Variants in GPM6A observed in about 807,000 individuals in gnomAD.
The protein encoded by GPM6A is glycoprotein M6A.
Under a neutral mutation model 32.1 loss-of-function variants are expected in GPM6A, and 7 were observed. That is an observed-to-expected ratio of 0.22 (90% CI 0.12 to 0.41). The LOEUF (loss-of-function observed/expected upper bound fraction) is 0.41. GPM6A is among the 10% of genes least tolerant of loss of function. GPM6A has a pLI of 1.00. For synonymous variants in GPM6A, 130 were observed against 123.4 expected (o/e 1.05, Z -0.35); for missense variants, 235 against 347.2 (o/e 0.68, Z 2.57).
intron 1 of GPM6A, among the ~76,000 whole-genome samples, chr4:175,908,428 C>T (rs1290822654): frequency 6.6e-6 from 1 of 152,132 alleles, no homozygotes; most frequent in Non-Finnish European, 1.5e-5. Flanking sequence ...AATATCCTAC[C>T]AGTCTCTACA....
intron 1 of GPM6A, among the ~76,000 whole-genome samples, chr4:175,821,318 G>A (rs1429076667): frequency 2.2e-4 from 34 of 151,878 alleles, no homozygotes; most frequent in Admixed American, 2.2e-3. Flanking sequence ...TCACTCATTT[G>A]CCCACAGTAT....
chr4:175,993,327 T>A lies in GPM6A; in HGVS notation c.-23+8982A>T, dbSNP rs1477901232. ...CAAAATATATTGTATTCCTTTCTGT[T>A]CTTTCTGTTGCACTGAATACTGTAG... On this transcript the variant is annotated intron_variant, in intron 1 of 7. Transcript: ENST00000280187. 8.5e-5 allele frequency among the ~76,000 whole-genome samples: 13 copies of A among 152,288 alleles called. No individual in the cohort carries two copies. The East Asian group carries it at 2.5e-3, about 29-fold the overall frequency.
At chr4:175,970,937 G>A (rs1010737904) in intron 1 of GPM6A, 15 of 455,108 alleles carry the variant, frequency 3.3e-5, no homozygotes, top group Non-Finnish European at 6.2e-5. Context: ...CACAGGGTGC[G>A]GTACAGAGAT....
chr4:175,742,691 G>A (rs1042258924), intron 1 of GPM6A, among the ~76,000 whole-genome samples: 2 of 152,100 alleles, frequency 1.3e-5, no homozygotes, highest in Admixed American at 6.6e-5. Context: ...GAATTTCAAA[G>A]CTAGCTATAT....
chr4:175,939,706 T>C (rs528663596), intron 1 of GPM6A, among the ~76,000 whole-genome samples: 17 of 152,334 alleles, frequency 1.1e-4, no homozygotes, highest in Admixed American at 5.2e-4. Context: ...ATGTATTTTG[T>C]AATAAACTAC....
chr4:175,742,241 TA>T (rs1245814285), intron 1 of GPM6A, among the ~76,000 whole-genome samples: 2 of 152,132 alleles, frequency 1.3e-5, no homozygotes. Flanking sequence ...ATCCAAAATG[TA>T]AAATAATTCC....
At chr4:175,946,525 T>C (rs1356313448) in intron 1 of GPM6A, among the ~76,000 whole-genome samples, 1 of 152,152 alleles carries the variant, frequency 6.6e-6, no homozygotes, top group Non-Finnish European at 1.5e-5. Flanking sequence ...AAATGGGTGA[T>C]GTGATGAAGA....
At chr4:175,808,353 G>A (rs150971121) in intron 1 of GPM6A, among the ~76,000 whole-genome samples, 40 of 152,144 alleles carry the variant, frequency 2.6e-4, no homozygotes, top group African/African-American at 8.2e-4. Context: ...GGGGTCTCTT[G>A]TCAACAATAA....
chr4:175,856,773 C>G (rs548530881), intron 1 of GPM6A, among the ~76,000 whole-genome samples: 1 of 152,136 alleles, frequency 6.6e-6, no homozygotes. Context: ...CTCCTCTCAA[C>G]ATTCAGATGC....
chr4:175,798,054 G>A (rs1423579236), intron 1 of GPM6A, among the ~76,000 whole-genome samples: 7 of 152,248 alleles, frequency 4.6e-5, no homozygotes, highest in African/African-American at 1.4e-4. Context: ...ATGAAGTGCC[G>A]TAATCATCAA....
intron 1 of GPM6A, among the ~76,000 whole-genome samples, chr4:175,906,236 A>G (rs1047844540): frequency 1.3e-5 from 2 of 152,154 alleles, no homozygotes; most frequent in Non-Finnish European, 2.9e-5. Flanking sequence ...CTGAATTTTG[A>G]TTGTAGCTCA....
intron 1 of GPM6A, among the ~76,000 whole-genome samples, chr4:175,771,976 A>G (rs1733209571): frequency 6.6e-6 from 1 of 152,216 alleles, no homozygotes; most frequent in African/African-American, 2.4e-5. Flanking sequence ...CGAGAGGCCA[A>G]CAGACTTATT....
At chr4:175,793,913 C>A (rs1196037380) in intron 1 of GPM6A, among the ~76,000 whole-genome samples, 1 of 152,140 alleles carries the variant, frequency 6.6e-6, no homozygotes. Flanking sequence ...TAATTTCATC[C>A]ATTTATCCTA....
At chr4:175,948,342 T>C (rs1252269679) in intron 1 of GPM6A, among the ~76,000 whole-genome samples, 1 of 152,154 alleles carries the variant, frequency 6.6e-6, no homozygotes, top group Non-Finnish European at 1.5e-5. Flanking sequence ...AGAGAAATGA[T>C]TTTTCTTTCC....
At chr4:175,680,169 A>T (rs1036935640) in intron 2 of GPM6A, among the ~76,000 whole-genome samples, 2 of 152,196 alleles carry the variant, frequency 1.3e-5, no homozygotes, top group African/African-American at 4.8e-5. Flanking sequence ...ATATATATAC[A>T]TGTGCACATG....
intron 1 of GPM6A, among the ~76,000 whole-genome samples, chr4:175,707,006 C>A (rs148383324): frequency 1.1e-4 from 16 of 152,268 alleles, no homozygotes; most frequent in African/African-American, 3.6e-4. Context: ...CATGAGGTTA[C>A]CCTACATGGT....
chr4:175,827,280 G>C (rs1477439116), intron 1 of GPM6A, among the ~76,000 whole-genome samples: 1 of 152,176 alleles, frequency 6.6e-6, no homozygotes, highest in East Asian at 1.9e-4. Flanking sequence ...AAGACCACCC[G>C]ATATAACTCA....
intron 1 of GPM6A, among the ~76,000 whole-genome samples, chr4:175,763,774 A>G (rs1335884239): frequency 6.6e-6 from 1 of 152,190 alleles, no homozygotes; most frequent in Non-Finnish European, 1.5e-5. Flanking sequence ...TCCAAATAAC[A>G]TAATTTAATT....
intron 6 of GPM6A, among the ~76,000 whole-genome samples, chr4:175,637,774 T>C (rs1449609774): frequency 1.2e-5 from 1 of 82,268 alleles, no homozygotes; most frequent in Non-Finnish European, 2.2e-5. Context: ...AAATATATAA[T>C]CTATATATAA....
Sources: gnomAD v4.1 joint callset for allele counts (sites outside exome capture counted in the v4.1 genomes callset) on GRCh38, gnomAD v4.1.1 for gene constraint, MANE v1.5 for transcripts, NCBI Gene and HGNC (gene_info 2026-07-23, HGNC 2026-07-21) for gene names.